UBE2M: variants seen among roughly 807,000 people sequenced by gnomAD.
UBE2M encodes the protein ubiquitin conjugating enzyme E2 M.
A neutral mutation model predicts 23.5 loss-of-function variants in UBE2M; 2 were observed. That is an observed-to-expected ratio of 0.09 (90% confidence interval 0.03 to 0.27). The LOEUF is 0.27. UBE2M is among the 10% of genes least tolerant of loss of function. The pLI, the probability that UBE2M is intolerant of heterozygous loss-of-function variation, is 1.00. For missense variants in UBE2M, 103 were observed against 232.9 expected (o/e 0.44, Z 3.63); for synonymous variants, 97 against 95.2 (o/e 1.02, Z -0.11).
rs1303575818 is a variant in UBE2M, at chr19:58,556,022, C to T, written c.*67G>A. ...CCGCCCCCCAAACCCCTACCCATGG[C>T]CCCCAATAAATATTTGCAGGGGATG... is the stretch of plus-strand genomic sequence containing the variant. On this transcript the variant is annotated 3_prime_UTR_variant, in exon 6 of 6. Transcript: ENST00000253023. The surrounding 1 kb of genome is among the most constrained non-coding windows in gnomAD (Gnocchi z 4.9). 5 of 1,560,264 alleles carry T rather than the reference C, an allele frequency of 3.2e-6. No homozygotes were observed. Among genetic ancestry groups the T allele is most frequent in the Non-Finnish European group, 4.4e-6 (5 of 1,146,390 alleles).
In UBE2M at chr19:58,555,958, A is replaced by C; in HGVS notation, c.*131T>G. 7.7e-7 allele frequency: 1 copy of C among 1,295,602 alleles called. No homozygotes were observed. Among genetic ancestry groups the C allele is most frequent in the Non-Finnish European group, 1.0e-6 (1 of 967,072 alleles). 80.3% of individuals were successfully genotyped at this position (1,295,602 alleles called of 1,614,324 possible). A position where few individuals can be genotyped will look rare whatever the true frequency, so the allele number is the denominator to read the frequency against. The stretch of plus-strand genomic sequence containing the variant: ...AAAATAACTAGGGGCACGTGGCAGG[A>C]AGGGGAGGCAAGGCCAAGGCAGGGG... On this transcript the variant is annotated 3_prime_UTR_variant, in exon 6 of 6. Coordinates refer to ENST00000253023, the MANE Select transcript of UBE2M (RefSeq NM_003969.4).
Position 58,556,449 on chromosome 19 carries a change from G to A in UBE2M, c.348-70C>T. The A allele has an allele frequency of 2.0e-6, 3 of 1,530,906 alleles. No individual in the cohort carries two copies. Among genetic ancestry groups the A allele is most frequent in the Non-Finnish European group, 2.7e-6 (3 of 1,111,008 alleles). 94.8% of individuals were successfully genotyped at this position (1,530,906 alleles called of 1,614,324 possible). A position where few individuals can be genotyped will look rare whatever the true frequency, so the allele number is the denominator to read the frequency against. On this transcript the variant is annotated intron_variant, in intron 4 of 5. Coordinates refer to ENST00000253023, the MANE Select transcript of UBE2M (RefSeq NM_003969.4). This position sits in a 1 kb window ranked among gnomAD's most constrained non-coding sequence, Gnocchi z 4.9. ...CTGCCACAGGCCCCTCTGGTGTTGGGCAGGTCAGATCCAGGGCATAGGAGA... is the reference window on the plus strand; with the variant it reads ...CTGCCACAGGCCCCTCTGGTGTTGGACAGGTCAGATCCAGGGCATAGGAGA...
rs766341173 is a variant in UBE2M, at chr19:58,556,666, T to C, written c.347+21A>G. 3 of 1,519,008 alleles carry C rather than the reference T, an allele frequency of 2.0e-6. No individual in the cohort carries two copies. In the East Asian group the frequency reaches 6.8e-5, roughly 34 times the overall value. The allele number at this position is 1,519,008 out of a possible 1,614,324, so 94.1% of individuals were successfully genotyped here. ...CTGGCAGGCAGCGCTGAGGAGGGCA[T>C]TAGAGGGCCAGTGTCCTCACCTGAG... is the stretch of plus-strand genomic sequence containing the variant. On this transcript the variant is annotated intron_variant, in intron 4 of 5. Coordinates refer to ENST00000253023, the MANE Select transcript of UBE2M (RefSeq NM_003969.4). The surrounding 1 kb of genome is among the most constrained non-coding windows in gnomAD (Gnocchi z 4.9).
chr19:58,557,005 C>T, intron 2 of UBE2M, 58 bp downstream of exon 2: 5 of 1,613,186 alleles, frequency 3.1e-6, no homozygotes, highest in South Asian at 1.1e-5. Flanking sequence ...ATGTCTCCCT[C>T]CTCTCAGTGG....
rs756243737 is a variant in UBE2M, at chr19:58,556,937, G to C, written c.205-7C>G. ...TCCCACTCTTGTAGAAGCCCTGGGA[G>C]GAAAAGGGGGAGAAGAAAATTTTAG... On this transcript the variant is annotated splice_polypyrimidine_tract_variant and splice_region_variant and intron_variant, in intron 2 of 5. Transcript: ENST00000253023. The surrounding 1 kb of genome is among the most constrained non-coding windows in gnomAD (Gnocchi z 4.9). 7 of 1,613,946 alleles carry C rather than the reference G, an allele frequency of 4.3e-6. No homozygotes were observed. The highest frequency in any genetic ancestry group is 1.3e-5 in the African/African-American group (1 of 74,894).
chr19:58,558,227 C>T lies in UBE2M; in HGVS notation c.109+46G>A. On this transcript the variant is annotated intron_variant, in intron 1 of 5. Coordinates refer to ENST00000253023, the MANE Select transcript of UBE2M (RefSeq NM_003969.4). This position sits in a 1 kb window ranked among gnomAD's most constrained non-coding sequence, Gnocchi z 4.7. ...ACTCCCACATCACCCTGCCTCAGGC[C>T]CTGACCTCCGACCTCCGGCTCCAAC... is the stretch of plus-strand genomic sequence containing the variant. The T allele has an allele frequency of 6.5e-7, 1 of 1,546,662 alleles. No homozygotes were observed. The highest frequency in any genetic ancestry group is 8.8e-7 in the Non-Finnish European group (1 of 1,135,198).
In UBE2M at chr19:58,556,075, G is replaced by C. The variant is rs529680373; in HGVS notation, c.*14C>G. The C allele has an allele frequency of 1.6e-5, 26 of 1,595,376 alleles. No homozygotes were observed. The African/African-American group carries it at 2.3e-4, about 14-fold the overall frequency. Reference sequence around the variant, plus strand: ...AGGGCTTGTGGCCGTGGCGGGGGTGGGTATGCGCCAACCCTATTTCAGGCA... The same window carrying C: ...AGGGCTTGTGGCCGTGGCGGGGGTGCGTATGCGCCAACCCTATTTCAGGCA... On this transcript the variant is annotated 3_prime_UTR_variant, in exon 6 of 6. Coordinates refer to ENST00000253023, the MANE Select transcript of UBE2M (RefSeq NM_003969.4). This position sits in a 1 kb window ranked among gnomAD's most constrained non-coding sequence, Gnocchi z 4.9.
rs1186251235 is a variant in UBE2M, at chr19:58,558,427, C to T, written c.-46G>A. 1.0e-6 allele frequency: 1 copy of T among 984,976 alleles called. No homozygotes were observed. The highest frequency in any genetic ancestry group is 6.0e-5 in the Admixed American group (1 of 16,550). The allele number at this position is 984,976 out of a possible 1,614,324, so 61.0% of individuals were successfully genotyped here. ...TGCCGCCGCCGCGGGGCCCGGGACCCCGGCCACCCGGCCCCCCGCCGCCGC... is the reference window on the plus strand; with the variant it reads ...TGCCGCCGCCGCGGGGCCCGGGACCTCGGCCACCCGGCCCCCCGCCGCCGC... On this transcript the variant is annotated 5_prime_UTR_variant, in exon 1 of 6. Coordinates refer to ENST00000253023, the MANE Select transcript of UBE2M (RefSeq NM_003969.4). This position sits in a 1 kb window ranked among gnomAD's most constrained non-coding sequence, Gnocchi z 4.7.
Position 58,556,858 on chromosome 19 carries a change from T to A in UBE2M, c.243+34A>T. 1 of 1,613,962 alleles carries A rather than the reference T, an allele frequency of 6.2e-7. No homozygotes were observed. The highest frequency in any genetic ancestry group is 8.5e-7 in the Non-Finnish European group (1 of 1,179,924). ...AGGGCCTCAGCTGCTGCCTCCTCTG[T>A]CCAGGGAGCCATCCCTGCCCGCCTG... On this transcript the variant is annotated intron_variant, in intron 3 of 5. Coordinates refer to ENST00000253023, the MANE Select transcript of UBE2M (RefSeq NM_003969.4). This position sits in a 1 kb window ranked among gnomAD's most constrained non-coding sequence, Gnocchi z 4.9.
Position 58,556,295 on chromosome 19 carries a change from C to A in UBE2M, c.411+21G>T. On this transcript the variant is annotated intron_variant, in intron 5 of 5. Coordinates refer to ENST00000253023, the MANE Select transcript of UBE2M (RefSeq NM_003969.4). This position sits in a 1 kb window ranked among gnomAD's most constrained non-coding sequence, Gnocchi z 4.9. ...GACAGAAGGCCAATCTCCCCAGACCCAACCACCTATTCCTACTCACCAAGA... is the reference window on the plus strand; with the variant it reads ...GACAGAAGGCCAATCTCCCCAGACCAAACCACCTATTCCTACTCACCAAGA... The A allele has an allele frequency of 6.2e-7, 1 of 1,614,120 alleles. No individual in the cohort carries two copies. Among genetic ancestry groups the A allele is most frequent in the Admixed American group, 1.7e-5 (1 of 60,024 alleles).
chr19:58,557,073 C>G lies in UBE2M; in HGVS notation c.194G>C (p.Cys65Ser), dbSNP rs1233073406. ...CATATGCACCCTCACCTCATCAGGA[C>G]AGATGACCAGCTTGAAGTTGAGGAG... Reference protein sequence around the residue: ...DDLLNFKLVICPDEGFYKSGK... With the variant: ...DDLLNFKLVISPDEGFYKSGK... The change falls in exon 2 of 6, where the codon TGT becomes TCT. Residue 65 changes from cysteine (C) to serine (S), a missense_variant. Coordinates refer to ENST00000253023, the MANE Select transcript of UBE2M (RefSeq NM_003969.4). 1 of 1,614,076 alleles carries G rather than the reference C, an allele frequency of 6.2e-7. No homozygotes were observed. The highest frequency in any genetic ancestry group is 1.7e-5 in the Admixed American group (1 of 60,020).
chr19:58,556,823 G>A lies in UBE2M; in HGVS notation c.244-33C>T. 1 of 1,611,972 alleles carries A rather than the reference G, an allele frequency of 6.2e-7. No individual in the cohort carries two copies. Among genetic ancestry groups the A allele is most frequent in the South Asian group, 1.1e-5 (1 of 90,908 alleles). On this transcript the variant is annotated intron_variant, in intron 3 of 5. Coordinates refer to ENST00000253023, the MANE Select transcript of UBE2M (RefSeq NM_003969.4). This position sits in a 1 kb window ranked among gnomAD's most constrained non-coding sequence, Gnocchi z 4.9. ...CAGGAAAAGAAAAGAGAGATGGGTA[G>A]GTGCCTGGAAGGGCCTCAGCTGCTG...
Position 58,558,393 on chromosome 19 carries a change from CGCCGCCGCT to C in UBE2M, c.-21_-13del, listed in dbSNP as rs779803744. 1.7e-5 allele frequency: 23 copies of C among 1,368,842 alleles called. No homozygotes were observed. Among genetic ancestry groups the C allele is most frequent in the Non-Finnish European group, 1.9e-5 (20 of 1,046,950 alleles). 84.8% of individuals were successfully genotyped at this position (1,368,842 alleles called of 1,614,324 possible). On this transcript the variant is annotated 5_prime_UTR_variant, in exon 1 of 6. Transcript: ENST00000253023. The surrounding 1 kb of genome is among the most constrained non-coding windows in gnomAD (Gnocchi z 4.7). ...AACAGCTTGATCATCCTGCCGCCGC[CGCCGCCGCT>C]GCCGCCGCCGCGGGGCCCGGGACCC... is the stretch of plus-strand genomic sequence containing the variant.
In UBE2M at chr19:58,558,292, C is replaced by T. The variant is rs141690651; in HGVS notation, c.90G>A (p.Ala30=). ...TKGSSKKASA[A]QLRIQKDINE... is the part of the protein sequence containing the mutation. ...CCCTACCCTTCTGGATCCGCAGCTG[C>T]GCCGCCGACGCCTTCTTGCTGCTGC... Residue 30 remains alanine (A), a synonymous_variant, in exon 1 of 6, where the codon GCG becomes GCA. Coordinates refer to ENST00000253023, the MANE Select transcript of UBE2M (RefSeq NM_003969.4). The surrounding 1 kb of genome is among the most constrained non-coding windows in gnomAD (Gnocchi z 4.7). 1.4e-5 allele frequency: 23 copies of T among 1,603,138 alleles called. No individual in the cohort carries two copies. The African/African-American group carries it at 3.0e-4, about 21-fold the overall frequency.
intron 1 of UBE2M, among the ~76,000 whole-genome samples, chr19:58,557,399 C>A (rs1020257109): frequency 6.6e-6 from 1 of 151,930 alleles, no homozygotes; most frequent in Non-Finnish European, 1.5e-5. Context: ...TATGCGTGTC[C>A]CAACTCCTGG....
In UBE2M at chr19:58,555,757, G is replaced by T. The variant is rs1162212993; in HGVS notation, c.*332C>A. ...ATAGCCTGGTGGGACCTCCAGAGGT[G>T]GAGGGGTGGGTTGCCTGGGCCCAGC... On this transcript the variant is annotated 3_prime_UTR_variant, in exon 6 of 6. Coordinates refer to ENST00000253023, the MANE Select transcript of UBE2M (RefSeq NM_003969.4). 1 of 349,900 alleles carries T rather than the reference G, an allele frequency of 2.9e-6. No homozygotes were observed. Among genetic ancestry groups the T allele is most frequent in the Admixed American group, 4.1e-5 (1 of 24,448 alleles). 21.7% of individuals were successfully genotyped at this position (349,900 alleles called of 1,614,324 possible).
In UBE2M at chr19:58,556,806, G is replaced by GA. The variant is rs554983565; in HGVS notation, c.244-17dup. The GA allele has an allele frequency of 4.4e-6, 7 of 1,606,700 alleles. No homozygotes were observed. The highest frequency in any genetic ancestry group is 5.9e-6 in the Non-Finnish European group (7 of 1,176,618). ...CCTGGCCCACCTGGCTCCAGGAAAA[G>GA]AAAAGAGAGATGGGTAGGTGCCTGG... is the stretch of plus-strand genomic sequence containing the variant. On this transcript the variant is annotated splice_polypyrimidine_tract_variant and intron_variant, in intron 3 of 5. Transcript: ENST00000253023. This position sits in a 1 kb window ranked among gnomAD's most constrained non-coding sequence, Gnocchi z 4.9.
chr19:58,558,498 C>G lies in UBE2M; in HGVS notation c.-117G>C, dbSNP rs1278799230. The G allele has an allele frequency of 1.6e-5, 6 of 385,172 alleles. No individual in the cohort carries two copies. Among genetic ancestry groups the G allele is most frequent in the Non-Finnish European group, 2.1e-5 (6 of 282,030 alleles). 23.9% of individuals were successfully genotyped at this position (385,172 alleles called of 1,614,324 possible). ...GGACCCGCAGCTGCGGCCTCCTCCG[C>G]TGCTGCCGCCACCCGCCCGGCCTGC... is the stretch of plus-strand genomic sequence containing the variant. On this transcript the variant is annotated 5_prime_UTR_variant, in exon 1 of 6. Transcript: ENST00000253023. The surrounding 1 kb of genome is among the most constrained non-coding windows in gnomAD (Gnocchi z 4.7).
chr19:58,556,048 C>A lies in UBE2M; in HGVS notation c.*41G>T, dbSNP rs1600090877. On this transcript the variant is annotated 3_prime_UTR_variant, in exon 6 of 6. Coordinates refer to ENST00000253023, the MANE Select transcript of UBE2M (RefSeq NM_003969.4). The surrounding 1 kb of genome is among the most constrained non-coding windows in gnomAD (Gnocchi z 4.9). ...CCCCAATAAATATTTGCAGGGGATG[C>A]CAGGGCTTGTGGCCGTGGCGGGGGT... The A allele has an allele frequency of 6.3e-7, 1 of 1,586,824 alleles. No homozygotes were observed. The highest frequency in any genetic ancestry group is 2.3e-5 in the East Asian group (1 of 44,146).
Sources: allele counts gnomAD v4.1 joint callset (sites outside exome capture counted in the v4.1 genomes callset), GRCh38; gene constraint gnomAD v4.1.1; non-coding constraint Gnocchi (gnomAD v3.1); transcripts MANE v1.5; gene names NCBI Gene and HGNC (gene_info 2026-07-23, HGNC 2026-07-21).